The following MAPK10 variants were observed in gnomAD, a reference collection of about 807,000 sequenced individuals.
MAPK10 encodes the protein JNK3 alpha protein kinase.
MAPK10 carries 25 observed loss-of-function variants against 59.3 expected under a neutral mutation model. That is an observed-to-expected ratio of 0.42 (90% CI 0.31 to 0.59). The LOEUF is 0.59. MAPK10 is among the 20% of genes least tolerant of loss of function. The pLI is 0.15. For missense variants in MAPK10, 351 were observed against 568.9 expected (o/e 0.62, Z 3.90); for synonymous variants, 190 against 200.5 (o/e 0.95, Z 0.44).
chr4:86,129,191 G>A (rs2060585438), intron 4 of MAPK10, among the ~76,000 whole-genome samples: 1 of 152,072 alleles, frequency 6.6e-6, no homozygotes, highest in African/African-American at 2.4e-5. Context: ...GTAGAGATAA[G>A]GAAACTGAGT....
chr4:86,214,856 A>T (rs147216715), intron 2 of MAPK10, among the ~76,000 whole-genome samples: 1 of 152,168 alleles, frequency 6.6e-6, no homozygotes, highest in Non-Finnish European at 1.5e-5. Flanking sequence ...GCTATATGCA[A>T]ACTCAATGCA....
chr4:86,386,676 T>A (rs2149005449), intron 1 of MAPK10, among the ~76,000 whole-genome samples: 1 of 152,236 alleles, frequency 6.6e-6, no homozygotes, highest in Non-Finnish European at 1.5e-5. Flanking sequence ...TAACACAATG[T>A]CTGATTCTCT....
intron 2 of MAPK10, among the ~76,000 whole-genome samples, chr4:86,330,185 T>G (rs552980107): frequency 2.0e-5 from 3 of 152,310 alleles, no homozygotes; most frequent in Admixed American, 1.3e-4. Flanking sequence ...ATTTATACAG[T>G]GCTTGTTTTC....
intron 1 of MAPK10, among the ~76,000 whole-genome samples, chr4:86,479,552 A>C (rs11938022): frequency 0.015 from 2,249 of 151,754 alleles, 16 homozygotes; most frequent in African/African-American, 0.022. Flanking sequence ...ACTACTCATA[A>C]ATGCCCTGCT....
chr4:86,192,053 ATTCTGGGTTGAAAATTCTT>A (rs1331700004), intron 3 of MAPK10: 1 of 152,180 alleles, frequency 6.6e-6, no homozygotes, highest in Non-Finnish European at 1.5e-5. Flanking sequence ...TGGATATGAA[ATTCTGGGTTGAAAATTCTT>A]TTCTTTAAGA....
intron 2 of MAPK10, among the ~76,000 whole-genome samples, chr4:86,256,920 T>C (rs1197494738): frequency 2.6e-5 from 4 of 151,308 alleles, no homozygotes; most frequent in Non-Finnish European, 5.9e-5. Flanking sequence ...GCCCGTCTAA[T>C]TTTTTGTATT....
rs376759828 is a variant in MAPK10 at position 86,370,350 on chromosome 4, A to G, written c.-121-15706T>C. Among the ~76,000 whole-genome samples the G allele has an allele frequency of 1.7e-4, 26 of 152,290 alleles. No individual in the cohort carries two copies. The East Asian group carries it at 4.6e-3, about 27-fold the overall frequency. ...ACTTTGTCAGCAAATATTCAGAGAC[A>G]TAGTCTTTCACAAGAAATAGATAAC... On this transcript the variant is annotated intron_variant, in intron 1 of 13. Transcript: ENST00000361569.
At chr4:86,127,960 T>C (rs1016566887) in intron 4 of MAPK10, among the ~76,000 whole-genome samples, 10 of 152,028 alleles carry the variant, frequency 6.6e-5, no homozygotes, top group African/African-American at 2.2e-4. Context: ...TATGTAGGGA[T>C]TTTTTATTTT....
chr4:86,217,017 G>A (rs2087861669), intron 2 of MAPK10, among the ~76,000 whole-genome samples: 1 of 152,050 alleles, frequency 6.6e-6, no homozygotes, highest in Non-Finnish European at 1.5e-5. Context: ...TATTTTCATA[G>A]AGAAACCAGA....
At chr4:86,427,348 G>A (rs968321768) in intron 1 of MAPK10, among the ~76,000 whole-genome samples, 6 of 151,490 alleles carry the variant, frequency 4.0e-5, no homozygotes, top group African/African-American at 1.5e-4. Context: ...CTCTCTCAAC[G>A]ATGCAACGTT....
chr4:86,101,136 T>C lies in MAPK10; in HGVS notation c.646A>G (p.Thr216Ala), dbSNP rs763570585. Residue 216 changes from threonine (T) to alanine (A), a missense_variant, in exon 8 of 14, where the codon ACA becomes GCA. Transcript: ENST00000641462. ...ACATATGGAGTCATCATGAAGCTTG[T>C]GCCTGCTGTCCTGGCCAGTCCAAAG... ...LDFGLARTAG[T>A]SFMMTPYVVT... 3.7e-6 allele frequency: 6 copies of C among 1,613,948 alleles called. No homozygotes were observed. The South Asian group carries it at 6.6e-5, about 18-fold the overall frequency.
intron 5 of MAPK10, among the ~76,000 whole-genome samples, chr4:86,104,156 T>G (rs568157168): frequency 6.6e-6 from 1 of 152,050 alleles, no homozygotes; most frequent in Non-Finnish European, 1.5e-5. Flanking sequence ...TGTGGAGTAA[T>G]AAACATAAAA....
At chr4:86,232,012 C>A (rs188640264) in intron 2 of MAPK10, among the ~76,000 whole-genome samples, 1 of 152,296 alleles carries the variant, frequency 6.6e-6, no homozygotes, top group East Asian at 1.9e-4. Flanking sequence ...TCTATACCAG[C>A]GGTCACCAAA....
At chr4:86,401,941 C>A (rs933375044) in intron 1 of MAPK10, among the ~76,000 whole-genome samples, 1 of 152,104 alleles carries the variant, frequency 6.6e-6, no homozygotes, top group Admixed American at 6.6e-5. Flanking sequence ...CCCTCCTCCT[C>A]CCCTATGTTC....
At chr4:86,115,972 T>C (rs367955869) in intron 4 of MAPK10, among the ~76,000 whole-genome samples, 13 of 152,354 alleles carry the variant, frequency 8.5e-5, no homozygotes, top group East Asian at 7.7e-4. Flanking sequence ...GCATGTTTCT[T>C]ATAGGTAACA....
intron 1 of MAPK10, among the ~76,000 whole-genome samples, chr4:86,419,315 A>G (rs1746221273): frequency 6.6e-6 from 1 of 152,184 alleles, no homozygotes; most frequent in South Asian, 2.1e-4. Flanking sequence ...TAGTAAAATA[A>G]TTAAAGCATT....
At chr4:86,219,181 G>A (rs369189147) in intron 2 of MAPK10, among the ~76,000 whole-genome samples, 2 of 150,390 alleles carry the variant, frequency 1.3e-5, no homozygotes, top group Non-Finnish European at 2.9e-5. Flanking sequence ...GAGAGACAGA[G>A]AGAGAGAGAG....
chr4:86,041,626 A>G (rs1164102206), intron 11 of MAPK10, among the ~76,000 whole-genome samples: 2 of 152,220 alleles, frequency 1.3e-5, no homozygotes, highest in African/African-American at 4.8e-5. Flanking sequence ...TTTACAAGAA[A>G]AAAACAAACA....
At chr4:86,491,184 T>C (rs1222693958) in intron 1 of MAPK10, among the ~76,000 whole-genome samples, 3 of 152,074 alleles carry the variant, frequency 2.0e-5, no homozygotes, top group Admixed American at 6.6e-5. Flanking sequence ...GATGAAAGCA[T>C]CCCACAGACA....
Sources: gnomAD v4.1 joint callset for allele counts (sites outside exome capture counted in the v4.1 genomes callset) on GRCh38, gnomAD v4.1.1 for gene constraint, MANE v1.5 for transcripts, NCBI Gene and HGNC (gene_info 2026-07-23, HGNC 2026-07-21) for gene names.